SEC11C: variants seen among roughly 807,000 people sequenced by gnomAD.
SEC11C encodes signal peptidase complex catalytic subunit SEC11C.
Under a neutral mutation model 21.9 loss-of-function variants are expected in SEC11C, and 10 were observed. The ratio of observed to expected loss-of-function variants is 0.46; its 90% CI spans 0.28 to 0.77. The LOEUF (loss-of-function observed/expected upper bound fraction) is 0.77. Ranked by LOEUF, SEC11C falls within the 30% of genes least tolerant of loss-of-function variation. The pLI is 0.12. For synonymous variants in SEC11C, 83 were observed against 85.6 expected, an observed-to-expected ratio of 0.97 and a Z score of 0.17; for missense variants, 145 against 244.5, an observed-to-expected ratio of 0.59 and a Z score of 2.71.
chr18:59,149,302 TC>T (rs1315228393), intron 1 of SEC11C, among the ~76,000 whole-genome samples: 15 of 152,232 alleles, frequency 9.9e-5, no homozygotes, highest in Non-Finnish European at 2.2e-4. Flanking sequence ...GCTCTTTTTT[TC>T]CTCCCTTCTC....
Position 59,150,185 on chromosome 18 carries a change from T to C in SEC11C, c.197+563T>C, listed in dbSNP as rs185209702. Among the ~76,000 whole-genome samples the C allele has an allele frequency of 2.5e-3, 374 of 152,328 alleles. 1 individual carries two copies. Among genetic ancestry groups the C allele is most frequent in the Admixed American group, 4.1e-3 (63 of 15,306 alleles). ...TCCAAGGGGAAAAACTTAACATCAA[T>C]TTGAAATCAAATGGCCGTGTTTGGG... On this transcript the variant is annotated intron_variant, in intron 2 of 5. Coordinates refer to ENST00000587834, the MANE Select transcript of SEC11C (RefSeq NM_033280.4).
rs1357643354 is a variant in SEC11C, at chr18:59,152,541, G to A, written c.203G>A (p.Ser68Asn). 6.2e-7 allele frequency: 1 copy of A among 1,601,658 alleles called. No homozygotes were observed. The highest frequency in any genetic ancestry group is 1.8e-5 in the Admixed American group (1 of 56,458). ...GACTTTGTGCTTCTTTCCAGTGGCA[G>A]TATGGAGCCGGCCTTTCACAGAGGA... ...ESPIVVVLSG[S>N]MEPAFHRGDL... The change falls in exon 3 of 6, where the codon AGT becomes AAT. Residue 68 changes from serine (S) to asparagine (N), a missense_variant. Transcript: ENST00000587834.
chr18:59,149,936 A>G (rs1328746507), intron 2 of SEC11C, among the ~76,000 whole-genome samples: 1 of 152,204 alleles, frequency 6.6e-6, no homozygotes, highest in Non-Finnish European at 1.5e-5. Context: ...ATTGATTTTT[A>G]AACATAACTA....
intron 3 of SEC11C, among the ~76,000 whole-genome samples, chr18:59,155,108 T>C (rs2069404756): frequency 6.6e-6 from 1 of 152,140 alleles, no homozygotes; most frequent in Admixed American, 6.5e-5. Context: ...AATTGTTCCA[T>C]GAGGCCTAAG....
At chr18:59,147,032 C>G (rs1002508836) in intron 1 of SEC11C, 1 of 152,208 alleles carries the variant, frequency 6.6e-6, no homozygotes, top group Non-Finnish European at 1.5e-5. Context: ...CCTCAGGCAT[C>G]GCCAGCTGAT....
Position 59,158,826 on chromosome 18 carries a change from C to A in SEC11C, c.*141C>A. 2 of 696,538 alleles carry A rather than the reference C, an allele frequency of 2.9e-6. No homozygotes were observed. The highest frequency in any genetic ancestry group is 4.8e-6 in the Non-Finnish European group (2 of 417,544). 43.1% of individuals were successfully genotyped at this position (696,538 alleles called of 1,614,324 possible). A position where few individuals can be genotyped will look rare whatever the true frequency, so the allele number is the denominator to read the frequency against. On this transcript the variant is annotated 3_prime_UTR_variant, in exon 6 of 6. Coordinates refer to ENST00000587834, the MANE Select transcript of SEC11C (RefSeq NM_033280.4). Reference sequence around the variant, plus strand: ...TGTCTTGTCCAAATAAAAGATTCACCAGTAAAGATGGTTTTCTTTTGTGGA... The same window carrying A: ...TGTCTTGTCCAAATAAAAGATTCACAAGTAAAGATGGTTTTCTTTTGTGGA...
intron 3 of SEC11C, 160 bp from the exon 4 acceptor site, chr18:59,155,528 T>C: frequency 3.3e-6 from 2 of 611,092 alleles, no homozygotes; most frequent in Non-Finnish European, 5.4e-6. Context: ...AGTTGAATGG[T>C]TGTCTTAAGC....
At chr18:59,157,516 T>C (rs1603378457) in intron 4 of SEC11C, 92 bp from the exon 5 acceptor site, 6 of 897,724 alleles carry the variant, frequency 6.7e-6, no homozygotes, top group Non-Finnish European at 9.3e-6. Context: ...GTACAATTCA[T>C]TTCTTAAGAC....
Position 59,142,520 on chromosome 18 carries a change from C to T in SEC11C, c.87+2485C>T, listed in dbSNP as rs117475832. On this transcript the variant is annotated intron_variant, in intron 1 of 5. Transcript: ENST00000587834. Reference sequence around the variant, plus strand: ...TCAAATCCTTTAAGTCAGGCAGAGCCGGTGGGGAGGTTTTTGAATGTAAAT... The same window carrying T: ...TCAAATCCTTTAAGTCAGGCAGAGCTGGTGGGGAGGTTTTTGAATGTAAAT... 1.6e-3 allele frequency among the ~76,000 whole-genome samples: 249 copies of T among 152,180 alleles called. 7 individuals carry two copies. The East Asian group carries it at 0.039, about 24-fold the overall frequency.
intron 2 of SEC11C, 22 bp downstream of exon 2, chr18:59,149,644 C>T (rs752074513): frequency 6.6e-7 from 1 of 1,525,960 alleles, no homozygotes; most frequent in Non-Finnish European, 9.1e-7. Flanking sequence ...AGGCTGGCCT[C>T]CAGCCTCCAA....
At chr18:59,149,673 C>G (rs757574891) in intron 2 of SEC11C, 51 bp downstream of exon 2, 8 of 1,239,128 alleles carry the variant, frequency 6.5e-6, no homozygotes, top group Middle Eastern at 1.9e-4. Flanking sequence ...ACAAGGCTGC[C>G]TTGGGCCTGA....
intron 2 of SEC11C, among the ~76,000 whole-genome samples, chr18:59,150,913 C>T (rs1322112468): frequency 6.6e-6 from 1 of 152,140 alleles, no homozygotes; most frequent in Non-Finnish European, 1.5e-5. Flanking sequence ...TCAAATCTCA[C>T]AGACACACTT....
intron 4 of SEC11C, chr18:59,156,714 C>T (rs1239360945): frequency 6.6e-6 from 1 of 152,184 alleles, no homozygotes; most frequent in Non-Finnish European, 1.5e-5. Context: ...TTTTATCTTA[C>T]CTAAATCTCA....
chr18:59,149,664 C>A, intron 2 of SEC11C, 42 bp downstream of exon 2: 1 of 1,337,674 alleles, frequency 7.5e-7, no homozygotes, highest in Non-Finnish European at 1.1e-6. Flanking sequence ...ACCTCCATCA[C>A]AAGGCTGCCT....
chr18:59,156,078 C>A (rs1040045794), intron 4 of SEC11C: 5 of 292,064 alleles, frequency 1.7e-5, no homozygotes, highest in Non-Finnish European at 3.2e-5. Flanking sequence ...CACCTGTAAT[C>A]CCAGCACCTT....
At chr18:59,146,261 G>A (rs1412405924) in intron 1 of SEC11C, among the ~76,000 whole-genome samples, 1 of 152,176 alleles carries the variant, frequency 6.6e-6, no homozygotes, top group Non-Finnish European at 1.5e-5. Context: ...CAAACAGCAG[G>A]GTGATAATAA....
chr18:59,149,437 A>C, intron 1 of SEC11C, 76 bp from the exon 2 acceptor site: 1 of 929,466 alleles, frequency 1.1e-6, no homozygotes, highest in Non-Finnish European at 1.7e-6. Context: ...AAGTTTGATA[A>C]CTGCATCTCC....
intron 1 of SEC11C, among the ~76,000 whole-genome samples, chr18:59,142,425 G>A (rs1056424546): frequency 3.9e-5 from 6 of 152,280 alleles, no homozygotes; most frequent in African/African-American, 1.4e-4. Context: ...AACGGCAATC[G>A]TTGTTTAAAA....
In SEC11C at chr18:59,145,279, G is replaced by A. The variant is rs1218224507; in HGVS notation, c.88-4234G>A. Among the ~76,000 whole-genome samples, 9 of 152,218 alleles carry A rather than the reference G, an allele frequency of 5.9e-5. No individual in the cohort carries two copies. The East Asian group carries it at 1.5e-3, about 26-fold the overall frequency. On this transcript the variant is annotated intron_variant, in intron 1 of 5. Transcript: ENST00000587834. Reference sequence around the variant, plus strand: ...ACATATTGTCTATGGCTGCTTTCCCGCTACATTGGCAGGGCTGAGTAGTTT... The same window carrying A: ...ACATATTGTCTATGGCTGCTTTCCCACTACATTGGCAGGGCTGAGTAGTTT...
Sources: allele counts gnomAD v4.1 joint callset (sites outside exome capture counted in the v4.1 genomes callset), GRCh38; gene constraint gnomAD v4.1.1; transcripts MANE v1.5; gene names NCBI Gene and HGNC (gene_info 2026-07-23, HGNC 2026-07-21).